MSRA: variants seen among roughly 807,000 people sequenced by gnomAD.
The protein encoded by MSRA is methionine sulfoxide reductase A.
In MSRA, 54 loss-of-function variants were observed where a neutral mutation model predicts 31.3. That is an observed-to-expected ratio of 1.73 (90% CI 1.39 to 2.17). The LOEUF is 2.17. MSRA is among the 30% of genes most tolerant of loss of function. The pLI is 0.00. For missense variants in MSRA, 507 were observed against 300.9 expected (o/e 1.69, Z -5.07); for synonymous variants, 169 against 116.5 (o/e 1.45, Z -2.90).
chr8:10,114,129 G>A (rs996988322), intron 1 of MSRA, among the ~76,000 whole-genome samples: 4 of 152,160 alleles, frequency 2.6e-5, no homozygotes, highest in Non-Finnish European at 5.9e-5. Flanking sequence ...CTATGTTGCA[G>A]CATGTATCAG....
intron 5 of MSRA, among the ~76,000 whole-genome samples, chr8:10,334,708 G>C (rs534432495): frequency 6.6e-6 from 1 of 152,360 alleles, no homozygotes; most frequent in South Asian, 2.1e-4. Flanking sequence ...CTCAGGAGCG[G>C]AGATGAAAGG....
intron 1 of MSRA, among the ~76,000 whole-genome samples, chr8:10,058,685 T>C (rs1194113860): frequency 6.6e-6 from 1 of 152,196 alleles, no homozygotes; most frequent in African/African-American, 2.4e-5. Context: ...TGAAGAAACG[T>C]TGAGATTTCC....
intron 3 of MSRA, among the ~76,000 whole-genome samples, chr8:10,265,373 C>A (rs1798692040): frequency 6.6e-6 from 1 of 152,150 alleles, no homozygotes; most frequent in African/African-American, 2.4e-5. Context: ...GGGCAGCATT[C>A]AGCTCTGGGG....
At chr8:10,283,365 G>A (rs10102621) in intron 3 of MSRA, among the ~76,000 whole-genome samples, 51,226 of 151,910 alleles carry the variant, frequency 0.34, 8,738 homozygotes, top group African/African-American at 0.39. Flanking sequence ...CTATCCAGCA[G>A]CTAAAGCTGC....
At chr8:10,402,857 G>A (rs115779660) in intron 5 of MSRA, among the ~76,000 whole-genome samples, 51 of 152,306 alleles carry the variant, frequency 3.3e-4, no homozygotes, top group African/African-American at 1.2e-3. Context: ...TATTTTCCCT[G>A]TACTGAAGGG....
At chr8:10,096,387 G>A (rs1400124562) in intron 1 of MSRA, 4 of 749,358 alleles carry the variant, frequency 5.3e-6, no homozygotes, top group African/African-American at 1.9e-5. Flanking sequence ...GTGGGGAGGT[G>A]TCTATGTCTA....
At chr8:10,154,936 T>C (rs1264963727) in intron 1 of MSRA, among the ~76,000 whole-genome samples, 12 of 150,384 alleles carry the variant, frequency 8.0e-5, no homozygotes, top group Admixed American at 2.0e-4. Context: ...CCTTTTTAAA[T>C]ACCACAGGTA....
Position 10,279,257 on chromosome 8 carries a change from A to G in MSRA, c.332-22277A>G, listed in dbSNP as rs555996684. On this transcript the variant is annotated intron_variant, in intron 3 of 5. Transcript: ENST00000317173. ...GTCTTCCATGTAGCCACTCAGCATA[A>G]CTTTGTTAAGGAAATTAATTAATAC... Among the ~76,000 whole-genome samples, 70 of 152,306 alleles carry G rather than the reference A, an allele frequency of 4.6e-4. 2 individuals carry two copies. Among genetic ancestry groups the G allele is most frequent in the Middle Eastern group, 3.4e-3 (1 of 294 alleles).
intron 5 of MSRA, among the ~76,000 whole-genome samples, chr8:10,346,258 A>G (rs1265350795): frequency 1.3e-5 from 2 of 152,164 alleles, no homozygotes; most frequent in Non-Finnish European, 2.9e-5. Flanking sequence ...TCCTGAAAAT[A>G]TGGGAGTATA....
chr8:10,386,020 A>G (rs1806368577), intron 5 of MSRA, among the ~76,000 whole-genome samples: 1 of 152,108 alleles, frequency 6.6e-6, no homozygotes, highest in Non-Finnish European at 1.5e-5. Context: ...CCTGTCTGTG[A>G]GTATTTCAGG....
intron 2 of MSRA, among the ~76,000 whole-genome samples, chr8:10,209,952 C>T (rs1809327582): frequency 6.6e-6 from 1 of 152,192 alleles, no homozygotes; most frequent in South Asian, 2.1e-4. Context: ...TTTAGCTCTT[C>T]CAGATGCTTA....
chr8:10,115,388 G>A (rs934055818), intron 1 of MSRA, among the ~76,000 whole-genome samples: 2 of 152,204 alleles, frequency 1.3e-5, no homozygotes, highest in Admixed American at 1.3e-4. Context: ...GGAACAGTAA[G>A]AATGGCAGGG....
At chr8:10,204,910 C>G (rs1030625093) in intron 1 of MSRA, among the ~76,000 whole-genome samples, 1 of 152,182 alleles carries the variant, frequency 6.6e-6, no homozygotes, top group Non-Finnish European at 1.5e-5. Flanking sequence ...AGCTTGCAGT[C>G]TACTGATAGA....
chr8:10,201,626 A>G (rs1808509162), intron 1 of MSRA, among the ~76,000 whole-genome samples: 1 of 152,212 alleles, frequency 6.6e-6, no homozygotes, highest in Non-Finnish European at 1.5e-5. Context: ...TGCCCTTTTC[A>G]AGGAAGAAAG....
At chr8:10,346,672 A>G (rs1803796246) in intron 5 of MSRA, among the ~76,000 whole-genome samples, 1 of 152,228 alleles carries the variant, frequency 6.6e-6, no homozygotes, top group Non-Finnish European at 1.5e-5. Context: ...GAAGTTGCAG[A>G]CAGGCTAACA....
At chr8:10,387,687 C>T (rs972985277) in intron 5 of MSRA, among the ~76,000 whole-genome samples, 1 of 152,190 alleles carries the variant, frequency 6.6e-6, no homozygotes, top group Non-Finnish European at 1.5e-5. Flanking sequence ...TGTCTCGGAG[C>T]TGCTCTTGGA....
At chr8:10,291,892 G>A (rs1042462159) in intron 3 of MSRA, among the ~76,000 whole-genome samples, 1 of 152,102 alleles carries the variant, frequency 6.6e-6, no homozygotes, top group Non-Finnish European at 1.5e-5. Flanking sequence ...TTTCTTACCT[G>A]GACTCGGACT....
At chr8:10,297,706 T>C (rs368573579) in intron 3 of MSRA, among the ~76,000 whole-genome samples, 1 of 152,242 alleles carries the variant, frequency 6.6e-6, no homozygotes, top group African/African-American at 2.4e-5. Context: ...CTGTGCTGTT[T>C]GTCAAGGCAA....
intron 1 of MSRA, among the ~76,000 whole-genome samples, chr8:10,076,123 G>C (rs556655586): frequency 7.2e-5 from 11 of 152,302 alleles, no homozygotes; most frequent in Admixed American, 5.2e-4. Context: ...ATTTGCCTCA[G>C]TTTTCTCATT....
Sources: gnomAD v4.1 joint callset for allele counts (sites outside exome capture counted in the v4.1 genomes callset) on GRCh38, gnomAD v4.1.1 for gene constraint, MANE v1.5 for transcripts, NCBI Gene and HGNC (gene_info 2026-07-23, HGNC 2026-07-21) for gene names.